The following BTBD16 variants were observed in gnomAD, a reference collection of about 807,000 sequenced individuals.
BTBD16 encodes BTB domain containing 16.
Under a neutral mutation model 67.4 loss-of-function variants are expected in BTBD16, and 66 were observed. That is an observed-to-expected ratio of 0.98 (90% confidence interval 0.80 to 1.20). The LOEUF is 1.20. Ranked by LOEUF, BTBD16 falls within the 50% of genes most tolerant of loss-of-function variation. The pLI, the probability that BTBD16 is intolerant of heterozygous loss-of-function variation, is 0.00. For missense variants in BTBD16, 634 were observed against 616.0 expected, an observed-to-expected ratio of 1.03 and a Z score of -0.31; for synonymous variants, 242 against 236.4, an observed-to-expected ratio of 1.02 and a Z score of -0.22.
intron 5 of BTBD16, 89 bp downstream of exon 5, chr10:122,286,337 C>T: frequency 2.0e-6 from 3 of 1,498,434 alleles, no homozygotes; most frequent in Non-Finnish European, 2.7e-6. Flanking sequence ...GTTTTGAGAC[C>T]ACGGTCACTC....
chr10:122,278,063 G>A (rs2096344674), intron 3 of BTBD16, among the ~76,000 whole-genome samples: 1 of 152,184 alleles, frequency 6.6e-6, no homozygotes, highest in African/African-American at 2.4e-5. Flanking sequence ...CCTCTCTAGA[G>A]CCACTGGCCA....
At chr10:122,322,217 T>C (rs568538430) in intron 10 of BTBD16, among the ~76,000 whole-genome samples, 2 of 152,354 alleles carry the variant, frequency 1.3e-5, no homozygotes, top group East Asian at 3.9e-4. Context: ...TATTTCCTTC[T>C]ACTTTCTTCA....
At chr10:122,308,430 C>A (rs983321602) in intron 10 of BTBD16, among the ~76,000 whole-genome samples, 2 of 152,180 alleles carry the variant, frequency 1.3e-5, no homozygotes, top group African/African-American at 4.8e-5. Flanking sequence ...CATGCATTTC[C>A]CCAAGCCCCC....
chr10:122,289,219 T>C (rs150667734), intron 5 of BTBD16, among the ~76,000 whole-genome samples: 1 of 152,202 alleles, frequency 6.6e-6, no homozygotes, highest in East Asian at 1.9e-4. Context: ...CAGAAATGAC[T>C]GAGGTTCAGT....
At chr10:122,334,566 A>G (rs1308283014) in intron 13 of BTBD16, among the ~76,000 whole-genome samples, 1 of 121,846 alleles carries the variant, frequency 8.2e-6, no homozygotes, top group African/African-American at 3.3e-5. Flanking sequence ...GAGTGCAGTA[A>G]CACAATCTCA....
chr10:122,297,339 G>T (rs2096385196), intron 7 of BTBD16, among the ~76,000 whole-genome samples: 1 of 152,216 alleles, frequency 6.6e-6, no homozygotes, highest in South Asian at 2.1e-4. Flanking sequence ...TCTGAGAGCT[G>T]CTCTTTGATT....
At chr10:122,336,784 A>G in intron 15 of BTBD16, 102 bp downstream of exon 15, 1 of 1,060,772 alleles carries the variant, frequency 9.4e-7, no homozygotes, top group Non-Finnish European at 1.3e-6. Flanking sequence ...TCTACACTGA[A>G]GATCCCTGGA....
chr10:122,283,512 C>A (rs1389157677), intron 3 of BTBD16, among the ~76,000 whole-genome samples: 1 of 152,200 alleles, frequency 6.6e-6, no homozygotes, highest in East Asian at 1.9e-4. Flanking sequence ...CTATTCTTTT[C>A]TCCCAGCAGA....
chr10:122,301,692 G>A (rs151316154), intron 9 of BTBD16, among the ~76,000 whole-genome samples: 6 of 152,262 alleles, frequency 3.9e-5, no homozygotes, highest in East Asian at 3.9e-4. Context: ...GCTGCTGGCC[G>A]GTGGATTTGG....
chr10:122,288,678 T>C (rs1178044833), intron 5 of BTBD16, among the ~76,000 whole-genome samples: 2 of 151,678 alleles, frequency 1.3e-5, no homozygotes, highest in African/African-American at 4.8e-5. Flanking sequence ...AAATAGAAGG[T>C]CGTGGTCAAA....
chr10:122,312,367 C>A (rs1457496070), intron 10 of BTBD16, among the ~76,000 whole-genome samples: 1 of 134,740 alleles, frequency 7.4e-6, no homozygotes, highest in Admixed American at 8.3e-5. Context: ...GGCTGGAGTG[C>A]GGTGGCATAG....
At chr10:122,280,188 C>G (rs1313658922) in intron 3 of BTBD16, among the ~76,000 whole-genome samples, 1 of 152,184 alleles carries the variant, frequency 6.6e-6, no homozygotes, top group East Asian at 1.9e-4. Context: ...CGGATACTGT[C>G]TTACAGGGTT....
chr10:122,290,253 C>T (rs760837710), intron 6 of BTBD16, among the ~76,000 whole-genome samples: 17 of 152,066 alleles, frequency 1.1e-4, no homozygotes, highest in South Asian at 8.3e-4. Context: ...ATGCAGAGAC[C>T]GGGAGAAGAC....
At chr10:122,275,560 C>A (rs35759670) in intron 2 of BTBD16, among the ~76,000 whole-genome samples, 30,316 of 152,092 alleles carry the variant, frequency 0.2, 3,157 homozygotes, top group Middle Eastern at 0.28. Context: ...CTGAGAGCCT[C>A]AGAATGTTAA....
At chr10:122,326,886 C>G (rs2096445867) in intron 10 of BTBD16, among the ~76,000 whole-genome samples, 1 of 152,198 alleles carries the variant, frequency 6.6e-6, no homozygotes, top group African/African-American at 2.4e-5. Context: ...AAACAGAGCG[C>G]AGTACCAGGG....
intron 10 of BTBD16, among the ~76,000 whole-genome samples, chr10:122,322,979 G>A (rs1306008243): frequency 6.6e-6 from 1 of 152,164 alleles, no homozygotes; most frequent in East Asian, 1.9e-4. Context: ...TTTGCAGCAA[G>A]GGCTGTGTCT....
At chr10:122,282,395 T>C (rs1590050304) in intron 3 of BTBD16, among the ~76,000 whole-genome samples, 1 of 151,818 alleles carries the variant, frequency 6.6e-6, no homozygotes, top group African/African-American at 2.4e-5. Context: ...GCAGCCATCC[T>C]CCCCCCTTGG....
At chr10:122,304,079 C>T (rs114605124) in intron 9 of BTBD16, among the ~76,000 whole-genome samples, 2 of 152,300 alleles carry the variant, frequency 1.3e-5, no homozygotes, top group African/African-American at 4.8e-5. Context: ...CTGGAAATCA[C>T]ACCACTTCGC....
In BTBD16 at chr10:122,297,767, G is replaced by A. The variant is rs778793982; in HGVS notation, c.591-1G>A. The A allele has an allele frequency of 6.2e-7, 1 of 1,614,132 alleles. No homozygotes were observed. The highest frequency in any genetic ancestry group is 8.5e-7 in the Non-Finnish European group (1 of 1,180,004). On this transcript the variant is annotated splice_acceptor_variant, in intron 7 of 15. Coordinates refer to ENST00000260723, the MANE Select transcript of BTBD16 (RefSeq NM_144587.5). LOFTEE classifies it high-confidence loss of function. ...CAGAAACTGCAGTTCTCTCTCTCCA[G>A]GTGCGTGGATGTGATGATAGCCAGA...
Sources: allele counts gnomAD v4.1 joint callset (sites outside exome capture counted in the v4.1 genomes callset), GRCh38; gene constraint gnomAD v4.1.1; transcripts MANE v1.5; gene names NCBI Gene and HGNC (gene_info 2026-07-23, HGNC 2026-07-21).